The following KIF3C variants were observed in gnomAD, a reference collection of about 807,000 sequenced individuals.
The protein encoded by KIF3C is kinesin family member 3C, also known as kinesin-like protein KIF3C.
Under a neutral mutation model 67.7 loss-of-function variants are expected in KIF3C, and 12 were observed. The ratio of observed to expected loss-of-function variants is 0.18; its 90% CI spans 0.11 to 0.29. The LOEUF (loss-of-function observed/expected upper bound fraction) is 0.29, where lower values mean the gene tolerates loss of function less well. KIF3C is among the 10% of genes least tolerant of loss of function. KIF3C has a pLI of 1.00. For synonymous variants in KIF3C, 393 were observed against 426.2 expected (o/e 0.92, Z 0.96); for missense variants, 789 against 1,059.6 (o/e 0.74, Z 3.55).
At position 25,951,737 on chromosome 2, in the gene KIF3C, C is replaced by T. The variant is rs116433715; in HGVS notation, c.2006+52G>A. The T allele has an allele frequency of 1.2e-5, 15 of 1,272,646 alleles. No homozygotes were observed. The East Asian group carries it at 3.5e-4, about 29-fold the overall frequency. The allele number at this position is 1,272,646 out of a possible 1,614,324, so 78.8% of individuals were successfully genotyped here. A position where few individuals can be genotyped will look rare whatever the true frequency, so the allele number is the denominator to read the frequency against. On this transcript the variant is annotated intron_variant, in intron 5 of 7. Coordinates refer to ENST00000264712, the MANE Select transcript of KIF3C (RefSeq NM_002254.8). The stretch of plus-strand genomic sequence containing the variant: ...CCTCAGGCCCCTCACCAGCCCCGAC[C>T]TGGAGTGGACCCACAAGTCCCCCAG...
chr2:25,972,085 C>T (rs1308863585), intron 1 of KIF3C, among the ~76,000 whole-genome samples: 3 of 151,538 alleles, frequency 2.0e-5, no homozygotes, highest in Non-Finnish European at 4.4e-5. Flanking sequence ...GAAGAGGTGC[C>T]CCAGACTGGC....
intron 5 of KIF3C, among the ~76,000 whole-genome samples, chr2:25,932,780 C>T (rs1192729668): frequency 6.6e-6 from 1 of 151,784 alleles, no homozygotes; most frequent in Non-Finnish European, 1.5e-5. Context: ...TTGCAGTGAG[C>T]TGAGATCTGG....
intron 1 of KIF3C, among the ~76,000 whole-genome samples, chr2:25,962,960 T>TATATA (rs1664018686): frequency 9.4e-5 from 3 of 31,998 alleles, no homozygotes; most frequent in African/African-American, 4.8e-4. Context: ...TAATATATAA[T>TATATA]ATATATAATA....
chr2:25,976,931 T>C (rs1664432770), intron 1 of KIF3C, among the ~76,000 whole-genome samples: 1 of 152,108 alleles, frequency 6.6e-6, no homozygotes, highest in African/African-American at 2.4e-5. Flanking sequence ...GTACCAAATA[T>C]TTGAAGTTTT....
At chr2:25,930,148 T>TCCTC in intron 5 of KIF3C, 85 bp from the exon 6 acceptor site, 1 of 1,073,120 alleles carries the variant, frequency 9.3e-7, no homozygotes, top group Non-Finnish European at 1.4e-6. Context: ...ATCATTCAGG[T>TCCTC]AGCTAGGAGG....
intron 1 of KIF3C, among the ~76,000 whole-genome samples, chr2:25,967,409 G>A (rs970546621): frequency 3.3e-5 from 5 of 152,202 alleles, no homozygotes; most frequent in African/African-American, 1.2e-4. Flanking sequence ...TACACACTCT[G>A]CCACTCTCTT....
At position 25,928,728 on chromosome 2, in the gene KIF3C, C is replaced by T. The variant is rs757163355; in HGVS notation, c.*250G>A. On this transcript the variant is annotated 3_prime_UTR_variant, in exon 8 of 8. Transcript: ENST00000264712. ...AGAAAAAGAGGCTACGCAGTGACCA[C>T]GGTAGGCCCAGACGGCTCAGGCGAG... 14 of 418,580 alleles carry T rather than the reference C, an allele frequency of 3.3e-5. No homozygotes were observed. Among genetic ancestry groups the T allele is most frequent in the Non-Finnish European group, 5.2e-5 (12 of 230,988 alleles). 25.9% of individuals were successfully genotyped at this position (418,580 alleles called of 1,614,324 possible).
In KIF3C at chr2:25,980,705, G is replaced by C; in HGVS notation, c.1213C>G (p.Arg405Gly). 1 of 1,614,076 alleles carries C rather than the reference G, an allele frequency of 6.2e-7. No homozygotes were observed. The highest frequency in any genetic ancestry group is 8.5e-7 in the Non-Finnish European group (1 of 1,180,014). ...EKRGMLGKRP[R>G]RKSSRRKKAV... ...TTCTTCCTGCGGCTGCTCTTCCTCC[G>C]GGGCCGCTTCCCCAGCATCCCCCTC... Residue 405 changes from arginine to glycine, a missense_variant, in exon 1 of 8, where the codon CGG (arginine) becomes GGG (glycine). By Grantham distance (125) the Arg-to-Gly change is moderately radical. This residue lies in a region of KIF3C where 648 missense variants were observed against 807.8 expected (regional missense o/e 0.80). Coordinates refer to ENST00000264712, the MANE Select transcript of KIF3C (RefSeq NM_002254.8). This position sits in a 1 kb window ranked among gnomAD's most constrained non-coding sequence, Gnocchi z 7.6.
At position 25,980,895 on chromosome 2, in the gene KIF3C, T is replaced by C. The variant is rs1345599010; in HGVS notation, c.1023A>G (p.Thr341=). Residue 341 remains threonine, a synonymous_variant, in exon 1 of 8, where the codon ACA becomes ACG. Coordinates refer to ENST00000264712, the MANE Select transcript of KIF3C (RefSeq NM_002254.8). This position sits in a 1 kb window ranked among gnomAD's most constrained non-coding sequence, Gnocchi z 7.6. ...GGNAKTIMVA[T]LGPASHSYDE... Reference sequence around the variant, plus strand: ...CGTAGCTGTGAGAAGCTGGCCCCAGTGTGGCTACCATGATGGTCTTGGCAT... The same window carrying C: ...CGTAGCTGTGAGAAGCTGGCCCCAGCGTGGCTACCATGATGGTCTTGGCAT... 4 of 1,614,204 alleles carry C rather than the reference T, an allele frequency of 2.5e-6. No homozygotes were observed. Among genetic ancestry groups the C allele is most frequent in the South Asian group, 2.2e-5 (2 of 91,084 alleles).
chr2:25,954,483 G>A lies in KIF3C; in HGVS notation c.1771-98C>T, dbSNP rs191749905. 406 of 860,586 alleles carry A rather than the reference G, an allele frequency of 4.7e-4. 3 individuals are homozygous for A. In the African/African-American group the frequency reaches 6.1e-3, roughly 13 times the overall value. The allele number at this position is 860,586 out of a possible 1,614,324, so 53.3% of individuals were successfully genotyped here. On this transcript the variant is annotated intron_variant, in intron 3 of 7. Coordinates refer to ENST00000264712, the MANE Select transcript of KIF3C (RefSeq NM_002254.8). Reference sequence around the variant, plus strand: ...CAGGGCTGCAGGCTCAGAGTCTACCGACTCAGCCCAGGATGAGGCTGCGGG... The same window carrying A: ...CAGGGCTGCAGGCTCAGAGTCTACCAACTCAGCCCAGGATGAGGCTGCGGG...
intron 1 of KIF3C, among the ~76,000 whole-genome samples, chr2:25,962,778 T>TTA (rs536459250): frequency 1.2e-5 from 1 of 82,700 alleles, no homozygotes; most frequent in East Asian, 2.3e-4. Flanking sequence ...AAAATATATG[T>TTA]TATATATATA....
intron 5 of KIF3C, among the ~76,000 whole-genome samples, chr2:25,947,065 G>C (rs1020142075): frequency 8.5e-5 from 13 of 152,078 alleles, no homozygotes; most frequent in Admixed American, 3.3e-4. Flanking sequence ...TGAGGCAGGA[G>C]AATTGCTTGA....
chr2:25,973,984 G>A (rs1305172364), intron 1 of KIF3C, among the ~76,000 whole-genome samples: 2 of 152,234 alleles, frequency 1.3e-5, no homozygotes, highest in African/African-American at 4.8e-5. Context: ...TCTATTAGGT[G>A]GTTTGACATA....
chr2:25,956,753 T>C (rs570436710), intron 1 of KIF3C, among the ~76,000 whole-genome samples: 25 of 152,168 alleles, frequency 1.6e-4, no homozygotes, highest in Admixed American at 4.6e-4. Flanking sequence ...AGGAGGAGGA[T>C]GGGGGTGGCA....
chr2:25,952,336 T>TA (rs1396106422), intron 4 of KIF3C, among the ~76,000 whole-genome samples: 1 of 151,936 alleles, frequency 6.6e-6, no homozygotes, highest in African/African-American at 2.4e-5. Context: ...TTATTTATTT[T>TA]AAAAAAAGAG....
At chr2:25,946,425 T>A (rs578022055) in intron 5 of KIF3C, among the ~76,000 whole-genome samples, 5 of 152,160 alleles carry the variant, frequency 3.3e-5, no homozygotes, top group African/African-American at 1.2e-4. Context: ...GCATGGTGGC[T>A]CACGCCTGTA....
intron 1 of KIF3C, among the ~76,000 whole-genome samples, chr2:25,967,323 A>C (rs1664168449): frequency 3.3e-5 from 5 of 152,260 alleles, no homozygotes; most frequent in Admixed American, 3.3e-4. Context: ...ATTTGTGGGA[A>C]GGGCCCCTGC....
intron 5 of KIF3C, among the ~76,000 whole-genome samples, chr2:25,937,178 G>T (rs1202203664): frequency 6.6e-6 from 1 of 152,246 alleles, no homozygotes; most frequent in Non-Finnish European, 1.5e-5. Context: ...AAAGTCAAAA[G>T]GCGACAGTTG....
intron 1 of KIF3C, among the ~76,000 whole-genome samples, chr2:25,960,899 G>A (rs1004911897): frequency 2.0e-5 from 3 of 152,198 alleles, no homozygotes; most frequent in Admixed American, 6.5e-5. Flanking sequence ...TTGCGCCAAT[G>A]CACTTTAGCT....
Sources: gnomAD v4.1 joint callset for allele counts (sites outside exome capture counted in the v4.1 genomes callset) on GRCh38, gnomAD v4.1.1 for gene constraint, gnomAD v4.1.1 regional missense constraint, Gnocchi (gnomAD v3.1) non-coding constraint, MANE v1.5 for transcripts, NCBI Gene and HGNC (gene_info 2026-07-23, HGNC 2026-07-21) for gene names.